Variants in PLCXD3 observed in about 807,000 individuals in gnomAD.
PLCXD3 encodes PI-PLC X domain-containing protein 3.
A neutral mutation model predicts 25.5 loss-of-function variants in PLCXD3; 19 were observed. The observed-to-expected ratio is 0.75, with a 90% CI of 0.52 to 1.09. The LOEUF is 1.09. Among genes scored for constraint, PLCXD3 ranks in the 50% least tolerant of loss-of-function variants. The pLI, the probability that PLCXD3 is intolerant of heterozygous loss-of-function variation, is 0.00. For synonymous variants in PLCXD3, 174 were observed against 137.6 expected, an observed-to-expected ratio of 1.26 and a Z score of -1.85; for missense variants, 411 against 388.1, an observed-to-expected ratio of 1.06 and a Z score of -0.50.
At chr5:41,478,161 G>C (rs1412151584) in intron 1 of PLCXD3, among the ~76,000 whole-genome samples, 1 of 152,178 alleles carries the variant, frequency 6.6e-6, no homozygotes, top group Non-Finnish European at 1.5e-5. Context: ...TGCAATGTTG[G>C]TTTAAAGATG....
At chr5:41,399,028 A>C (rs550571249) in intron 1 of PLCXD3, among the ~76,000 whole-genome samples, 1 of 147,670 alleles carries the variant, frequency 6.8e-6, no homozygotes, top group East Asian at 1.9e-4. Flanking sequence ...TCAACATACA[A>C]AAAAAAAGTA....
intron 2 of PLCXD3, among the ~76,000 whole-genome samples, chr5:41,322,111 G>A (rs1743489634): frequency 6.6e-6 from 1 of 152,176 alleles, no homozygotes; most frequent in Non-Finnish European, 1.5e-5. Flanking sequence ...CTTCTGCACA[G>A]TGAAGGATAC....
chr5:41,328,036 A>G (rs1021537772), intron 2 of PLCXD3, among the ~76,000 whole-genome samples: 3 of 152,162 alleles, frequency 2.0e-5, no homozygotes, highest in Non-Finnish European at 4.4e-5. Flanking sequence ...TACCAGGAGA[A>G]TCATTTCAAG....
chr5:41,372,267 T>C (rs116336181), intron 2 of PLCXD3, among the ~76,000 whole-genome samples: 1 of 150,958 alleles, frequency 6.6e-6, no homozygotes, highest in African/African-American at 2.4e-5. Flanking sequence ...CAGAAAAGTA[T>C]ATGTATTCAT....
intron 1 of PLCXD3, among the ~76,000 whole-genome samples, chr5:41,451,373 A>G (rs778132382): frequency 3.9e-5 from 6 of 152,042 alleles, no homozygotes; most frequent in Non-Finnish European, 8.8e-5. Context: ...TCTCTGCTTG[A>G]GGAGGGAGAT....
In PLCXD3 at chr5:41,310,809, C is replaced by G. The variant is rs113786122; in HGVS notation, c.*2808G>C. ...GTCCATTTACTCTAAGTGCCTGCTACATAGGCACTGTATGTCCACATGGAA... is the reference window on the plus strand; with the variant it reads ...GTCCATTTACTCTAAGTGCCTGCTAGATAGGCACTGTATGTCCACATGGAA... On this transcript the variant is annotated 3_prime_UTR_variant, in exon 3 of 3. Coordinates refer to ENST00000377801, the MANE Select transcript of PLCXD3 (RefSeq NM_001005473.3). The G allele has an allele frequency of 1.8e-4, 28 of 152,726 alleles. 1 individual carries two copies. The highest frequency in any genetic ancestry group is 6.7e-4 in the African/African-American group (28 of 41,552). 9.5% of individuals were successfully genotyped at this position (152,726 alleles called of 1,614,324 possible).
intron 1 of PLCXD3, among the ~76,000 whole-genome samples, chr5:41,472,670 A>G (rs1247844337): frequency 6.6e-6 from 1 of 152,220 alleles, no homozygotes; most frequent in Non-Finnish European, 1.5e-5. Context: ...TTCAGAGATG[A>G]CATTGAAGTA....
intron 2 of PLCXD3, among the ~76,000 whole-genome samples, chr5:41,356,461 G>A (rs1284066113): frequency 6.6e-6 from 1 of 151,778 alleles, no homozygotes; most frequent in Non-Finnish European, 1.5e-5. Flanking sequence ...ATCTAGGAGT[G>A]TAGGCATCAT....
chr5:41,472,180 T>C (rs547849622), intron 1 of PLCXD3, among the ~76,000 whole-genome samples: 119 of 151,970 alleles, frequency 7.8e-4, no homozygotes, highest in African/African-American at 2.7e-3. Context: ...TGGAATGATA[T>C]ACTTAGGCCT....
chr5:41,393,454 T>C lies in PLCXD3; in HGVS notation c.104-10920A>G, dbSNP rs150497376. On this transcript the variant is annotated intron_variant, in intron 1 of 2. Coordinates refer to ENST00000377801, the MANE Select transcript of PLCXD3 (RefSeq NM_001005473.3). Reference sequence around the variant, plus strand: ...GAGAAAAGCTTTTACCCTAGAATAGTATATCTGGCAAAATATATCCTTCAA... The same window carrying C: ...GAGAAAAGCTTTTACCCTAGAATAGCATATCTGGCAAAATATATCCTTCAA... Among the ~76,000 whole-genome samples, 821 of 152,254 alleles carry C rather than the reference T, an allele frequency of 5.4e-3. 12 individuals carry two copies. The highest frequency in any genetic ancestry group is 0.019 in the African/African-American group (778 of 41,548).
chr5:41,439,598 G>T (rs1432644087), intron 1 of PLCXD3, among the ~76,000 whole-genome samples: 2 of 152,118 alleles, frequency 1.3e-5, no homozygotes, highest in Non-Finnish European at 2.9e-5. Context: ...AAAGCCCAAA[G>T]ATAGGAGCCT....
intron 1 of PLCXD3, among the ~76,000 whole-genome samples, chr5:41,404,501 T>A (rs1398782169): frequency 2.0e-5 from 3 of 152,110 alleles, no homozygotes; most frequent in Non-Finnish European, 2.9e-5. Context: ...AGTTGCAGAA[T>A]TTAGGTTTGT....
chr5:41,380,218 C>T (rs910602816), intron 2 of PLCXD3, among the ~76,000 whole-genome samples: 1 of 152,080 alleles, frequency 6.6e-6, no homozygotes, highest in Non-Finnish European at 1.5e-5. Flanking sequence ...GTCTTTGTTT[C>T]CTGACTCTGT....
At chr5:41,490,489 G>A (rs2150525360) in intron 1 of PLCXD3, among the ~76,000 whole-genome samples, 1 of 152,176 alleles carries the variant, frequency 6.6e-6, no homozygotes, top group South Asian at 2.1e-4. Flanking sequence ...TCTATTGTTT[G>A]GAATAGTTTC....
At chr5:41,498,523 C>A (rs1163761246) in intron 1 of PLCXD3, among the ~76,000 whole-genome samples, 3 of 151,538 alleles carry the variant, frequency 2.0e-5, no homozygotes, top group Non-Finnish European at 4.4e-5. Context: ...GATTCAGTTG[C>A]TAAAATCTCT....
intron 2 of PLCXD3, among the ~76,000 whole-genome samples, chr5:41,343,377 GA>G (rs1481450503): frequency 1.3e-5 from 2 of 151,598 alleles, no homozygotes; most frequent in East Asian, 1.9e-4. Flanking sequence ...TACATAAACA[GA>G]AAAAAAATCA....
chr5:41,420,617 C>T (rs535282373), intron 1 of PLCXD3, among the ~76,000 whole-genome samples: 14 of 152,360 alleles, frequency 9.2e-5, no homozygotes, highest in Non-Finnish European at 1.8e-4. Flanking sequence ...TCTGCCAAAT[C>T]TGCCATGCTT....
At chr5:41,340,320 G>A (rs1744103787) in intron 2 of PLCXD3, among the ~76,000 whole-genome samples, 1 of 152,124 alleles carries the variant, frequency 6.6e-6, no homozygotes, top group Admixed American at 6.6e-5. Flanking sequence ...AATAGCTAAT[G>A]TACTGAAATA....
intron 1 of PLCXD3, among the ~76,000 whole-genome samples, chr5:41,493,001 G>A (rs1748739314): frequency 6.6e-6 from 1 of 152,222 alleles, no homozygotes; most frequent in Non-Finnish European, 1.5e-5. Flanking sequence ...AGGAGGAGAG[G>A]CGCTCTGCTT....
Sources: gnomAD v4.1 joint callset for allele counts (sites outside exome capture counted in the v4.1 genomes callset) on GRCh38, gnomAD v4.1.1 for gene constraint, MANE v1.5 for transcripts, NCBI Gene and HGNC (gene_info 2026-07-23, HGNC 2026-07-21) for gene names.